The following TMEM131L variants were observed in gnomAD, a reference collection of about 807,000 sequenced individuals.
The protein encoded by TMEM131L is transmembrane protein 131-like.
In TMEM131L, 54 loss-of-function variants were observed where a neutral mutation model predicts 192.2. The ratio of observed to expected loss-of-function variants is 0.28; its 90% CI spans 0.23 to 0.35. The LOEUF is 0.35. Among genes scored for constraint, TMEM131L ranks in the 10% least tolerant of loss-of-function variants. The probability of loss-of-function intolerance (pLI) is 1.00; values close to 1 mark genes in which losing one functional copy is unlikely to be tolerated. For synonymous variants in TMEM131L, 701 were observed against 704.9 expected, an observed-to-expected ratio of 0.99 and a Z score of 0.09; for missense variants, 1,888 against 1,972.9, an observed-to-expected ratio of 0.96 and a Z score of 0.82.
intron 3 of TMEM131L, among the ~76,000 whole-genome samples, chr4:153,497,920 C>T (rs373365321): frequency 1.1e-4 from 16 of 146,064 alleles, no homozygotes; most frequent in East Asian, 8.0e-4. Context: ...GAGACTTGTA[C>T]GGTGAACACC....
chr4:153,609,528 C>G (rs1030728540), intron 25 of TMEM131L, among the ~76,000 whole-genome samples: 1 of 152,158 alleles, frequency 6.6e-6, no homozygotes, highest in Non-Finnish European at 1.5e-5. Flanking sequence ...ATCCCATATT[C>G]TTGAATGCTT....
intron 3 of TMEM131L, among the ~76,000 whole-genome samples, chr4:153,542,000 T>G (rs983491238): frequency 1.3e-5 from 2 of 152,198 alleles, no homozygotes; most frequent in Admixed American, 6.5e-5. Context: ...TTAGTGGGGC[T>G]AGGTAAAACT....
chr4:153,598,149 A>G (rs766543069), intron 20 of TMEM131L, among the ~76,000 whole-genome samples: 20 of 152,200 alleles, frequency 1.3e-4, no homozygotes, highest in Non-Finnish European at 1.8e-4. Context: ...TCTTACGATT[A>G]CTATGAAAAC....
intron 20 of TMEM131L, among the ~76,000 whole-genome samples, chr4:153,597,273 ATT>A (rs11308275): frequency 1.3e-5 from 2 of 148,250 alleles, no homozygotes; most frequent in African/African-American, 2.5e-5. Context: ...TTTTTAATTA[ATT>A]TTTTTTTTTG....
At chr4:153,602,092 T>A (rs1731879588) in intron 21 of TMEM131L, 60 bp from the exon 22 acceptor site, 1 of 1,024,468 alleles carries the variant, frequency 9.8e-7, no homozygotes, top group Non-Finnish European at 1.4e-6. Context: ...ATCCAATAAA[T>A]TATTTTAAAT....
chr4:153,565,525 G>C (rs1263946720), intron 7 of TMEM131L, among the ~76,000 whole-genome samples: 1 of 152,140 alleles, frequency 6.6e-6, no homozygotes, highest in Admixed American at 6.5e-5. Context: ...TGTAATAAGG[G>C]CACATTTTGG....
At chr4:153,544,707 G>A (rs1037267540) in intron 3 of TMEM131L, among the ~76,000 whole-genome samples, 4 of 152,162 alleles carry the variant, frequency 2.6e-5, no homozygotes, top group Non-Finnish European at 5.9e-5. Context: ...CACTCAGATA[G>A]CCCCATTCTC....
chr4:153,499,866 G>C (rs1733466823), intron 3 of TMEM131L, among the ~76,000 whole-genome samples: 1 of 152,110 alleles, frequency 6.6e-6, no homozygotes, highest in Non-Finnish European at 1.5e-5. Flanking sequence ...CTTCACATTT[G>C]CTCTCTTTAG....
chr4:153,603,716 T>C (rs1732008879), intron 24 of TMEM131L, 86 bp from the exon 25 acceptor site: 2 of 1,403,200 alleles, frequency 1.4e-6, no homozygotes, highest in Non-Finnish European at 1.9e-6. Context: ...TACTGATTGC[T>C]ACCCTTTTCT....
Position 153,627,687 on chromosome 4 carries a change from G to C in TMEM131L, c.4207G>C (p.Gly1403Arg). Residue 1403 changes from glycine to arginine, a missense_variant and splice_region_variant, in exon 31 of 35, where the codon GGT (glycine) becomes CGT (arginine). By Grantham distance (125) the Gly-to-Arg change is moderately radical. Coordinates refer to ENST00000409959, the MANE Select transcript of TMEM131L (RefSeq NM_001131007.2). Reference protein sequence around the residue: ...AGPTGVEEDKGLYSPGDLWPT... With the variant: ...AGPTGVEEDKRLYSPGDLWPT... ...GCCCACAGGTGTTGAAGAAGATAAA[G>C]GTGAGATGCATTCGTCTTGCTGCAG... 1 of 1,610,462 alleles carries C rather than the reference G, an allele frequency of 6.2e-7. No homozygotes were observed. The highest frequency in any genetic ancestry group is 8.5e-7 in the Non-Finnish European group (1 of 1,176,698).
At chr4:153,543,510 G>A (rs1352305414) in intron 3 of TMEM131L, among the ~76,000 whole-genome samples, 1 of 152,218 alleles carries the variant, frequency 6.6e-6, no homozygotes, top group East Asian at 1.9e-4. Flanking sequence ...CAGTTCATAG[G>A]CGTTTCCAGG....
At chr4:153,511,696 G>C (rs1228400917) in intron 3 of TMEM131L, among the ~76,000 whole-genome samples, 2 of 152,056 alleles carry the variant, frequency 1.3e-5, no homozygotes, top group African/African-American at 4.8e-5. Context: ...CATTTTCTCA[G>C]TGCCTACATC....
intron 18 of TMEM131L, 35 bp from the exon 19 acceptor site, chr4:153,593,764 A>C: frequency 7.4e-7 from 1 of 1,342,332 alleles, no homozygotes; most frequent in Non-Finnish European, 1.1e-6. Flanking sequence ...GGCAGATGTG[A>C]GTGCTGTTTT....
In TMEM131L at chr4:153,591,040, A is replaced by C; in HGVS notation, c.1671-13A>C. ...AAATATTTTTCATAATAGTTTCTTT[A>C]TCAATTAAACAGGAGGAATGTTTTG... On this transcript the variant is annotated splice_polypyrimidine_tract_variant and intron_variant, in intron 16 of 34. Coordinates refer to ENST00000409959, the MANE Select transcript of TMEM131L (RefSeq NM_001131007.2). 1.4e-6 allele frequency: 2 copies of C among 1,480,134 alleles called. No homozygotes were observed. Among genetic ancestry groups the C allele is most frequent in the Middle Eastern group, 3.6e-4 (2 of 5,522 alleles). 91.7% of individuals were successfully genotyped at this position (1,480,134 alleles called of 1,614,324 possible).
chr4:153,625,901 CTG>C (rs1733810413), intron 29 of TMEM131L, among the ~76,000 whole-genome samples: 1 of 151,890 alleles, frequency 6.6e-6, no homozygotes, highest in South Asian at 2.1e-4. Context: ...GAGTGAGACT[CTG>C]TCTCAAAAAA....
chr4:153,626,302 G>A (rs769454881), intron 30 of TMEM131L, 77 bp downstream of exon 30: 3 of 941,804 alleles, frequency 3.2e-6, no homozygotes, highest in Non-Finnish European at 5.0e-6. Context: ...TTTCTTCTTT[G>A]TACTTGGTTC....
chr4:153,588,971 A>G lies in TMEM131L; in HGVS notation c.1634A>G (p.Glu545Gly). 1 of 1,601,158 alleles carries G rather than the reference A, an allele frequency of 6.2e-7. No homozygotes were observed. Among genetic ancestry groups the G allele is most frequent in the Non-Finnish European group, 8.6e-7 (1 of 1,168,338 alleles). Residue 545 changes from glutamate (E) to glycine (G), a missense_variant, in exon 16 of 35, where the codon GAA becomes GGA. By Grantham distance (98) the Glu-to-Gly change is moderately conservative. Transcript: ENST00000409959. Reference protein sequence around the residue: ...VDSELANKLYERWKKYKNGDV... With the variant: ...VDSELANKLYGRWKKYKNGDV... Reference sequence around the variant, plus strand: ...TCTGAACTTGCAAATAAATTGTATGAAAGATGGAAGAAATATAAAAATGGT... The same window carrying G: ...TCTGAACTTGCAAATAAATTGTATGGAAGATGGAAGAAATATAAAAATGGT...
intron 3 of TMEM131L, among the ~76,000 whole-genome samples, chr4:153,542,597 T>C (rs1736871735): frequency 6.6e-6 from 1 of 152,226 alleles, no homozygotes; most frequent in Non-Finnish European, 1.5e-5. Context: ...CTTAGGATTA[T>C]ATATAATAAA....
At chr4:153,582,709 A>G (rs551177610) in intron 9 of TMEM131L, among the ~76,000 whole-genome samples, 36 of 152,128 alleles carry the variant, frequency 2.4e-4, no homozygotes, top group African/African-American at 7.2e-4. Flanking sequence ...GTGAACATCT[A>G]TGAGGGCAGA....
Sources: gnomAD v4.1 joint callset for allele counts (sites outside exome capture counted in the v4.1 genomes callset) on GRCh38, gnomAD v4.1.1 for gene constraint, MANE v1.5 for transcripts, NCBI Gene and HGNC (gene_info 2026-07-23, HGNC 2026-07-21) for gene names.